The following CACNA1C variants were observed in gnomAD, a reference collection of about 807,000 sequenced individuals.
The protein encoded by CACNA1C is voltage-dependent L-type calcium channel subunit alpha-1C.
Under a neutral mutation model 229.0 loss-of-function variants are expected in CACNA1C, and 30 were observed. The observed-to-expected ratio is 0.13, with a 90% CI of 0.10 to 0.18. The LOEUF (loss-of-function observed/expected upper bound fraction) is 0.18. Ranked by LOEUF, CACNA1C falls within the 10% of genes least tolerant of loss-of-function variation. The probability of loss-of-function intolerance (pLI) is 1.00; values close to 1 mark genes in which losing one functional copy is unlikely to be tolerated. For missense variants in CACNA1C, 1,658 were observed against 2,845.0 expected (o/e 0.58, Z 9.49); for synonymous variants, 1,114 against 1,132.5 (o/e 0.98, Z 0.33).
chr12:2,441,317 C>T (rs1461147233), intron 3 of CACNA1C, among the ~76,000 whole-genome samples: 2 of 152,192 alleles, frequency 1.3e-5, no homozygotes, highest in Non-Finnish European at 2.9e-5. Context: ...CTACTGTGCA[C>T]ATGGGAGTAG....
At chr12:2,239,697 A>T (rs1015523973) in intron 3 of CACNA1C, among the ~76,000 whole-genome samples, 17 of 152,162 alleles carry the variant, frequency 1.1e-4, no homozygotes, top group African/African-American at 3.9e-4. Flanking sequence ...GCAGGTTTTC[A>T]GGAAGCCTGC....
At chr12:2,337,057 G>A (rs1025161704) in intron 3 of CACNA1C, among the ~76,000 whole-genome samples, 31 of 152,286 alleles carry the variant, frequency 2.0e-4, no homozygotes, top group Admixed American at 8.5e-4. Context: ...AGCTGGCTAC[G>A]TCCTCGGTCC....
chr12:2,587,594 A>G (rs1470572102), intron 18 of CACNA1C, among the ~76,000 whole-genome samples: 1 of 152,182 alleles, frequency 6.6e-6, no homozygotes, highest in Non-Finnish European at 1.5e-5. Flanking sequence ...AAAGAGAAGA[A>G]TGTTAATTTT....
Position 2,381,843 on chromosome 12 carries a change from G to T in CACNA1C, c.478-67133G>T, listed in dbSNP as rs2098256777. Among the ~76,000 whole-genome samples, 4 of 152,216 alleles carry T rather than the reference G, an allele frequency of 2.6e-5. 1 individual carries two copies. The highest frequency in any genetic ancestry group is 2.6e-4 in the Admixed American group (4 of 15,288). On this transcript the variant is annotated intron_variant, in intron 3 of 46. Coordinates refer to ENST00000399655, the MANE Select transcript of CACNA1C (RefSeq NM_000719.7). The stretch of plus-strand genomic sequence containing the variant: ...TAATAATGACTTTGACTATGGGGAT[G>T]CTTAAGAAAATCTCCCAGTCCTTGG...
chr12:2,688,688 G>A lies in CACNA1C; in HGVS notation c.6026G>A (p.Arg2009Gln), dbSNP rs535291848. The A allele has an allele frequency of 1.7e-5, 27 of 1,612,584 alleles. No individual in the cohort carries two copies. The highest frequency in any genetic ancestry group is 1.7e-4 in the Middle Eastern group (1 of 6,056). Residue 2009 changes from arginine (R) to glutamine (Q), a missense_variant, in exon 46 of 47, where the codon CGG (arginine) becomes CAG (glutamine). Arg to Gln is a conservative substitution (Grantham distance 43, BLOSUM62 1). This residue lies in a region of CACNA1C where 590 missense variants were observed against 700.8 expected (regional missense o/e 0.84). Transcript: ENST00000399655. The stretch of plus-strand genomic sequence containing the variant: ...GGTGGCGGGGGCAGCAGCGCCGCCC[G>A]GAGAGTCCGGCCCGTCTCCCTCATG... ...TPGGGGSSAA[R>Q]RVRPVSLMVP...
rs145799371 is a variant in CACNA1C at position 2,580,950 on chromosome 12, G to C, written c.1896-640G>C. 2.6e-3 allele frequency among the ~76,000 whole-genome samples: 402 copies of C among 152,304 alleles called. 2 individuals are homozygous for C. Among genetic ancestry groups the C allele is most frequent in the African/African-American group, 8.8e-3 (366 of 41,568 alleles). On this transcript the variant is annotated intron_variant, in intron 13 of 46. Coordinates refer to ENST00000399655, the MANE Select transcript of CACNA1C (RefSeq NM_000719.7). ...AGCTAATGAATCACAATCTCAAGAGGAAAGGCCCTTAAAGAAACAATTCTT... is the reference window on the plus strand; with the variant it reads ...AGCTAATGAATCACAATCTCAAGAGCAAAGGCCCTTAAAGAAACAATTCTT...
intron 3 of CACNA1C, among the ~76,000 whole-genome samples, chr12:2,235,554 G>A (rs1357959091): frequency 3.9e-5 from 6 of 152,080 alleles, no homozygotes; most frequent in African/African-American, 9.7e-5. Context: ...CCATCACTAG[G>A]GGTCCATCTC....
At chr12:2,422,005 C>A (rs987296273) in intron 3 of CACNA1C, among the ~76,000 whole-genome samples, 2 of 151,938 alleles carry the variant, frequency 1.3e-5, no homozygotes, top group African/African-American at 4.8e-5. Context: ...TTTCTCTGTT[C>A]CTCCACTCAG....
chr12:2,638,743 A>G (rs929224389), intron 30 of CACNA1C, among the ~76,000 whole-genome samples: 2 of 152,218 alleles, frequency 1.3e-5, no homozygotes, highest in African/African-American at 4.8e-5. Context: ...AGAATTGCCC[A>G]GGAGGACTGG....
chr12:2,302,461 A>G (rs1389047710), intron 3 of CACNA1C, among the ~76,000 whole-genome samples: 2 of 151,982 alleles, frequency 1.3e-5, no homozygotes, highest in African/African-American at 2.4e-5. Flanking sequence ...CATACTGCCC[A>G]TCTTCTTCCA....
chr12:2,508,607 C>T (rs1327588980), intron 8 of CACNA1C, among the ~76,000 whole-genome samples: 1 of 152,174 alleles, frequency 6.6e-6, no homozygotes, highest in Non-Finnish European at 1.5e-5. Context: ...GAGCCATAGT[C>T]ATGCCACTGC....
chr12:2,617,487 G>A (rs769736099), intron 29 of CACNA1C, among the ~76,000 whole-genome samples: 18 of 152,244 alleles, frequency 1.2e-4, no homozygotes, highest in Non-Finnish European at 2.2e-4. Context: ...GACAGAGGCT[G>A]TTGCTGGCCT....
chr12:2,566,551 C>T lies in CACNA1C; in HGVS notation c.1638C>T (p.Tyr546=). The change falls in exon 12 of 47, where the codon TAC becomes TAT. Residue 546 remains tyrosine, a synonymous_variant. Coordinates refer to ENST00000399655, the MANE Select transcript of CACNA1C (RefSeq NM_000719.7). The surrounding 1 kb of genome is among the most constrained non-coding windows in gnomAD (Gnocchi z 4.0). ...LNTLTIASEH[Y]NQPNWLTEVQ... is the part of the protein sequence containing the mutation. The stretch of plus-strand genomic sequence containing the variant: ...CGCTCACCATTGCCTCTGAGCACTA[C>T]AACCAGCCCAACTGGCTCACAGAAG... 1 of 1,598,874 alleles carries T rather than the reference C, an allele frequency of 6.3e-7. No homozygotes were observed. The highest frequency in any genetic ancestry group is 2.3e-5 in the East Asian group (1 of 44,050).
chr12:2,283,439 A>G (rs115810441), intron 3 of CACNA1C, among the ~76,000 whole-genome samples: 61 of 152,306 alleles, frequency 4.0e-4, no homozygotes, highest in African/African-American at 1.4e-3. Flanking sequence ...CTTCACCTCC[A>G]TGAGGGAAGA....
intron 1 of CACNA1C, among the ~76,000 whole-genome samples, chr12:2,020,907 T>G (rs2046329683): frequency 6.6e-6 from 1 of 152,206 alleles, no homozygotes. Flanking sequence ...TTCTTCCCTG[T>G]ATGGAACCCA....
At chr12:2,310,669 G>A (rs147139280) in intron 3 of CACNA1C, among the ~76,000 whole-genome samples, 17 of 152,294 alleles carry the variant, frequency 1.1e-4, no homozygotes, top group Middle Eastern at 3.4e-3. Flanking sequence ...AAAGGCAGGG[G>A]GATGGACTAG....
At chr12:2,078,002 C>T (rs1268569897) in intron 1 of CACNA1C, among the ~76,000 whole-genome samples, 2 of 152,178 alleles carry the variant, frequency 1.3e-5, no homozygotes, top group Non-Finnish European at 1.5e-5. Context: ...ATACATACTG[C>T]TGTGGACTGA....
rs556456997 is a variant in CACNA1C at position 2,665,366 on chromosome 12, G to A, written c.4399-215G>A. Among the ~76,000 whole-genome samples, 1 of 152,312 alleles carries A rather than the reference G, an allele frequency of 6.6e-6. No individual in the cohort carries two copies. Among genetic ancestry groups the A allele is most frequent in the African/African-American group, 2.4e-5 (1 of 41,566 alleles). The stretch of plus-strand genomic sequence containing the variant: ...CCAGCAGCTCGGTAGGAGGGAAGCT[G>A]TCCAGCCCACCTGTGGGTTCATCAC... On this transcript the variant is annotated intron_variant, in intron 35 of 46. Coordinates refer to ENST00000399655, the MANE Select transcript of CACNA1C (RefSeq NM_000719.7). The surrounding 1 kb of genome is among the most constrained non-coding windows in gnomAD (Gnocchi z 5.9).
chr12:2,234,394 A>G (rs1372362804), intron 3 of CACNA1C, among the ~76,000 whole-genome samples: 1 of 152,232 alleles, frequency 6.6e-6, no homozygotes, highest in African/African-American at 2.4e-5. Context: ...GTTGATTGCC[A>G]GGCACTCTGT....
Sources: gnomAD v4.1 joint callset for allele counts (sites outside exome capture counted in the v4.1 genomes callset) on GRCh38, gnomAD v4.1.1 for gene constraint, gnomAD v4.1.1 regional missense constraint, Gnocchi (gnomAD v3.1) non-coding constraint, MANE v1.5 for transcripts, NCBI Gene and HGNC (gene_info 2026-07-23, HGNC 2026-07-21) for gene names.